PCDH11X: variants seen among roughly 807,000 people sequenced by gnomAD.
PCDH11X encodes protocadherin 11 X-linked.
A neutral mutation model predicts 53.3 loss-of-function variants in PCDH11X; 18 were observed. That is an observed-to-expected ratio of 0.34 (90% confidence interval 0.23 to 0.50). The LOEUF (loss-of-function observed/expected upper bound fraction) is 0.50. Ranked by LOEUF, PCDH11X falls within the 20% of genes least tolerant of loss-of-function variation. The pLI is 0.98. For missense variants in PCDH11X, 570 were observed against 1,032.4 expected, an observed-to-expected ratio of 0.55 and a Z score of 6.14; for synonymous variants, 279 against 393.3, an observed-to-expected ratio of 0.71 and a Z score of 3.44.
intron 9 of PCDH11X, chrX:92,460,559 C>T (rs747610610): frequency 6.6e-6 from 5 of 759,710 alleles, no homozygotes; most frequent in Non-Finnish European, 1.0e-5. Context: ...AGAGCTGAGA[C>T]GTACAGTCCA....
chrX:92,384,938 A>G (rs2070979936), intron 8 of PCDH11X, among the ~76,000 whole-genome samples: 1 of 98,911 alleles, frequency 1.0e-5, no homozygotes, highest in African/African-American at 3.7e-5. Context: ...GTTTTAAACT[A>G]TAAACTAAGT....
chrX:91,985,454 G>A (rs1314614713), intron 6 of PCDH11X, among the ~76,000 whole-genome samples: 12 of 112,362 alleles, frequency 1.1e-4, no homozygotes, highest in Non-Finnish European at 1.9e-4. Context: ...GCAGTGAGCC[G>A]CGATCGTGCC....
At chrX:92,230,502 A>G (rs965893921) in intron 7 of PCDH11X, among the ~76,000 whole-genome samples, 2 of 93,382 alleles carry the variant, frequency 2.1e-5, no homozygotes, top group Non-Finnish European at 4.1e-5. Flanking sequence ...CATATATAAT[A>G]TCTATAATAT....
At chrX:92,253,757 T>G (rs934123619) in intron 7 of PCDH11X, among the ~76,000 whole-genome samples, 2 of 112,160 alleles carry the variant, frequency 1.8e-5, no homozygotes, top group African/African-American at 6.5e-5. Flanking sequence ...TGTTGGCATA[T>G]AGAAATGCTA....
intron 9 of PCDH11X, among the ~76,000 whole-genome samples, chrX:92,426,356 C>T (rs1200862866): frequency 9.8e-6 from 1 of 101,691 alleles, no homozygotes; most frequent in Non-Finnish European, 2.0e-5. Context: ...ACATTACTGT[C>T]CTGTCTTTAA....
chrX:92,486,157 A>T (rs1367783317), intron 10 of PCDH11X, among the ~76,000 whole-genome samples: 1 of 110,757 alleles, frequency 9.0e-6, no homozygotes, highest in Non-Finnish European at 1.9e-5. Flanking sequence ...GGTGAGTGAG[A>T]TTCACTGATT....
At chrX:92,420,200 C>T (rs1001839850) in intron 9 of PCDH11X, among the ~76,000 whole-genome samples, 5 of 111,519 alleles carry the variant, frequency 4.5e-5, no homozygotes, top group African/African-American at 1.3e-4. Context: ...TTCCCACAAA[C>T]CTTTTTGTTA....
intron 6 of PCDH11X, among the ~76,000 whole-genome samples, chrX:91,912,579 A>G (rs1176101943): frequency 1.8e-5 from 2 of 110,915 alleles, no homozygotes; most frequent in Non-Finnish European, 3.8e-5. Flanking sequence ...TTAATGATTT[A>G]TGTATGCTGA....
intron 6 of PCDH11X, among the ~76,000 whole-genome samples, chrX:91,941,979 T>G (rs1246196678): frequency 1.8e-5 from 2 of 110,610 alleles, no homozygotes; most frequent in African/African-American, 6.5e-5. Context: ...TAAAACATTT[T>G]GAACTGAATG....
chrX:92,328,843 C>A (rs1415503211), intron 8 of PCDH11X, among the ~76,000 whole-genome samples: 1 of 109,789 alleles, frequency 9.1e-6, no homozygotes, highest in African/African-American at 3.3e-5. Flanking sequence ...CTAGGAAATT[C>A]TACCAAATAT....
intron 10 of PCDH11X, among the ~76,000 whole-genome samples, chrX:92,569,342 C>T (rs1302630609): frequency 9.1e-6 from 1 of 110,431 alleles, no homozygotes; most frequent in East Asian, 2.8e-4. Context: ...GCAAGGCATG[C>T]AGCAGACACT....
chrX:92,221,722 A>C (rs2148356301), intron 7 of PCDH11X, among the ~76,000 whole-genome samples: 1 of 112,155 alleles, frequency 8.9e-6, no homozygotes. Flanking sequence ...AGTTAAAATT[A>C]AAAATAATAA....
chrX:92,200,432 C>CA (rs1046773806), intron 6 of PCDH11X, among the ~76,000 whole-genome samples: 7 of 110,160 alleles, frequency 6.4e-5, no homozygotes, highest in African/African-American at 1.3e-4. Flanking sequence ...GTTATATATC[C>CA]AAAAAAAAGA....
chrX:92,155,557 C>T (rs1431338647), intron 6 of PCDH11X, among the ~76,000 whole-genome samples: 1 of 97,867 alleles, frequency 1.0e-5, no homozygotes, highest in African/African-American at 3.8e-5. Context: ...TCCTTATCAC[C>T]TCTACCACTA....
At chrX:91,813,916 A>C (rs1936372635) in intron 4 of PCDH11X, among the ~76,000 whole-genome samples, 1 of 106,272 alleles carries the variant, frequency 9.4e-6, no homozygotes, top group Non-Finnish European at 1.9e-5. Flanking sequence ...AAAATTATGA[A>C]GGTGCAATGT....
intron 6 of PCDH11X, among the ~76,000 whole-genome samples, chrX:91,953,326 C>A (rs2061665606): frequency 9.1e-6 from 1 of 109,773 alleles, no homozygotes; most frequent in Non-Finnish European, 1.9e-5. Context: ...CTACTATGTA[C>A]CCACAAACAT....
rs192581806 is a variant in PCDH11X, at chrX:92,223,109, T to C, written c.3114+21654T>C. On this transcript the variant is annotated intron_variant, in intron 7 of 10. Coordinates refer to ENST00000682573, the MANE Select transcript of PCDH11X (RefSeq NM_032968.5). ...CAAGTGATCCTGCCAACTCAGCCTC[T>C]GTAGTTGCTGGGATTACAGGCGTGA... is the stretch of plus-strand genomic sequence containing the variant. Among the ~76,000 whole-genome samples the C allele has an allele frequency of 5.2e-3, 585 of 112,471 alleles. 9 individuals are homozygous for C. The highest frequency in any genetic ancestry group is 6.3e-3 in the Non-Finnish European group (334 of 53,238).
At chrX:92,528,995 C>G (rs1484816100) in intron 10 of PCDH11X, among the ~76,000 whole-genome samples, 1 of 111,044 alleles carries the variant, frequency 9.0e-6, no homozygotes, top group Non-Finnish European at 1.9e-5. Flanking sequence ...ACAAACCCAG[C>G]CTTACATTAG....
intron 9 of PCDH11X, among the ~76,000 whole-genome samples, chrX:92,391,691 C>G (rs1414554490): frequency 9.0e-6 from 1 of 110,808 alleles, no homozygotes; most frequent in African/African-American, 3.3e-5. Context: ...GTTTATGAAG[C>G]CAGGGTTTTT....
Sources: gnomAD v4.1 joint callset for allele counts (sites outside exome capture counted in the v4.1 genomes callset) on GRCh38, gnomAD v4.1.1 for gene constraint, MANE v1.5 for transcripts, NCBI Gene and HGNC (gene_info 2026-07-23, HGNC 2026-07-21) for gene names.